The following SLC25A13 variants were observed in gnomAD, a reference collection of about 807,000 sequenced individuals.
SLC25A13 encodes solute carrier family 25 member 13, also known as electrogenic aspartate/glutamate antiporter SLC25A13, mitochondrial.
Under a neutral mutation model 85.5 loss-of-function variants are expected in SLC25A13, and 70 were observed. That is an observed-to-expected ratio of 0.82 (90% CI 0.68 to 1.00). SLC25A13 has a LOEUF of 1.00. SLC25A13 is among the 50% of genes least tolerant of loss of function. The pLI is 0.00. For synonymous variants in SLC25A13, 259 were observed against 288.7 expected, an observed-to-expected ratio of 0.90 and a Z score of 1.04; for missense variants, 765 against 819.8, an observed-to-expected ratio of 0.93 and a Z score of 0.82.
intron 15 of SLC25A13, 107 bp from the exon 16 acceptor site, chr7:96,122,104 A>C: frequency 1.4e-6 from 2 of 1,452,514 alleles, no homozygotes; most frequent in Non-Finnish European, 1.9e-6. Flanking sequence ...AATCCGATTC[A>C]ATAAAATGCC....
chr7:96,154,270 T>C (rs1793164547), intron 13 of SLC25A13, among the ~76,000 whole-genome samples: 1 of 151,334 alleles, frequency 6.6e-6, no homozygotes, highest in African/African-American at 2.4e-5. Flanking sequence ...TCCAAATACG[T>C]AGAGTCACAG....
At chr7:96,197,932 A>G (rs1795121574) in intron 5 of SLC25A13, among the ~76,000 whole-genome samples, 1 of 152,224 alleles carries the variant, frequency 6.6e-6, no homozygotes, top group Non-Finnish European at 1.5e-5. Context: ...GTCAGAGTTT[A>G]GCACAGTACA....
At chr7:96,135,858 G>GTTTTT (rs57884645) in intron 14 of SLC25A13, among the ~76,000 whole-genome samples, 1 of 132,978 alleles carries the variant, frequency 7.5e-6, no homozygotes. Flanking sequence ...TCCTGCTTTG[G>GTTTTT]TTTTTTTTTT....
chr7:96,136,763 T>C (rs187124682), intron 14 of SLC25A13, among the ~76,000 whole-genome samples: 49 of 152,244 alleles, frequency 3.2e-4, no homozygotes, highest in Admixed American at 2.8e-3. Flanking sequence ...GGCACCTCTG[T>C]GTCGGGCCGG....
At chr7:96,276,716 T>C (rs1022529057) in intron 3 of SLC25A13, among the ~76,000 whole-genome samples, 1 of 152,190 alleles carries the variant, frequency 6.6e-6, no homozygotes, top group African/African-American at 2.4e-5. Flanking sequence ...CGTGTCCTAT[T>C]TGATTCTATA....
chr7:96,277,245 G>C lies in SLC25A13; in HGVS notation c.163C>G (p.Pro55Ala). The change falls in exon 3 of 18, where the codon CCA becomes GCA. Residue 55 changes from proline (P) to alanine (A), a missense_variant. By Grantham distance (27) the Pro-to-Ala change is conservative. Coordinates refer to ENST00000265631, the MANE Select transcript of SLC25A13 (RefSeq NM_014251.3). ...CCACTTAAAAGTTCCACAGTCTTTG[G>C]ATTAGGCTGGCTTTCTCCAAAAATG... ...LNIFGESQPN[P>A]KTVELLSGVV... is the part of the protein sequence containing the mutation. 6.2e-7 allele frequency: 1 copy of C among 1,610,282 alleles called. No individual in the cohort carries two copies. The highest frequency in any genetic ancestry group is 8.5e-7 in the Non-Finnish European group (1 of 1,178,146).
intron 9 of SLC25A13, among the ~76,000 whole-genome samples, chr7:96,185,773 G>A (rs1309368216): frequency 2.6e-5 from 4 of 151,578 alleles, no homozygotes; most frequent in African/African-American, 7.3e-5. Flanking sequence ...GGTGGCAGGC[G>A]CCTGTAGTCC....
intron 3 of SLC25A13, among the ~76,000 whole-genome samples, chr7:96,265,754 A>G (rs1366754610): frequency 1.3e-5 from 2 of 152,200 alleles, no homozygotes; most frequent in Non-Finnish European, 2.9e-5. Context: ...TCAGGTTATT[A>G]TAACAAAATA....
At chr7:96,185,051 G>A (rs1412095645) in intron 9 of SLC25A13, 40 bp from the exon 10 acceptor site, 2 of 1,543,042 alleles carry the variant, frequency 1.3e-6, no homozygotes, top group South Asian at 1.2e-5. Context: ...AGGAAAACAG[G>A]TGACAGAAAA....
intron 2 of SLC25A13, among the ~76,000 whole-genome samples, chr7:96,291,462 A>C (rs1035097004): frequency 1.3e-5 from 2 of 152,158 alleles, no homozygotes; most frequent in African/African-American, 2.4e-5. Context: ...GACACAAAAA[A>C]CCCTTCCAAA....
chr7:96,229,975 A>G (rs957903336), intron 4 of SLC25A13, among the ~76,000 whole-genome samples: 73 of 152,222 alleles, frequency 4.8e-4, no homozygotes, highest in African/African-American at 1.6e-3. Context: ...CTAAATATAC[A>G]TATTTTCTGT....
At chr7:96,263,966 C>A (rs935358446) in intron 3 of SLC25A13, among the ~76,000 whole-genome samples, 1 of 152,194 alleles carries the variant, frequency 6.6e-6, no homozygotes, top group African/African-American at 2.4e-5. Context: ...CATGCTGAAA[C>A]TCACAATTCA....
At chr7:96,314,460 T>TATC (rs1800059670) in intron 1 of SLC25A13, among the ~76,000 whole-genome samples, 1 of 152,122 alleles carries the variant, frequency 6.6e-6, no homozygotes, top group Non-Finnish European at 1.5e-5. Context: ...AAAGGAATTG[T>TATC]ATCACTACAC....
rs1342285052 is a variant in SLC25A13, at chr7:96,248,754, T to C, written c.213-13837A>G. 2.0e-5 allele frequency among the ~76,000 whole-genome samples: 3 copies of C among 152,340 alleles called. No homozygotes were observed. The East Asian group carries it at 5.8e-4, about 29-fold the overall frequency. On this transcript the variant is annotated intron_variant, in intron 3 of 17. Coordinates refer to ENST00000265631, the MANE Select transcript of SLC25A13 (RefSeq NM_014251.3). ...ACTCTGTTTTGAATGAATGTTTCTA[T>C]GAGGCAAATTATAAGAAACAAATTG...
chr7:96,289,754 A>G (rs1194433509), intron 2 of SLC25A13, among the ~76,000 whole-genome samples: 1 of 152,238 alleles, frequency 6.6e-6, no homozygotes, highest in Non-Finnish European at 1.5e-5. Flanking sequence ...GAAATACGGG[A>G]CTATGTGAAA....
rs553863381 is a variant in SLC25A13 at position 96,170,089 on chromosome 7, C to T, written c.1267G>A (p.Asp423Asn). ...TCTGCTGCAAGTGGGACCGAACCAT[C>T]TTTGTGCATAAATTTATCCCTCACA... The part of the protein sequence containing the change: ...DFVRDKFMHK[D>N]GSVPLAAEIL... Residue 423 changes from aspartate (D) to asparagine (N), a missense_variant, in exon 13 of 18, where the codon GAT (aspartate) becomes AAT (asparagine). By Grantham distance (23) the Asp-to-Asn change is conservative (BLOSUM62 1). Transcript: ENST00000265631. 38 of 1,614,192 alleles carry T rather than the reference C, an allele frequency of 2.4e-5. No homozygotes were observed. The highest frequency in any genetic ancestry group is 1.1e-4 in the South Asian group (10 of 91,088).
chr7:96,152,362 G>A (rs1793085631), intron 13 of SLC25A13, among the ~76,000 whole-genome samples: 1 of 152,110 alleles, frequency 6.6e-6, no homozygotes, highest in African/African-American at 2.4e-5. Flanking sequence ...CATCCGGGAG[G>A]CAGAGCCTGA....
At chr7:96,128,147 T>C (rs185011185) in intron 15 of SLC25A13, among the ~76,000 whole-genome samples, 46 of 152,360 alleles carry the variant, frequency 3.0e-4, no homozygotes, top group African/African-American at 8.9e-4. Context: ...TATAGATTTT[T>C]TATGTTTATT....
intron 15 of SLC25A13, among the ~76,000 whole-genome samples, chr7:96,123,947 CAG>C (rs1491057949): frequency 6.6e-6 from 1 of 152,172 alleles, no homozygotes; most frequent in Admixed American, 6.5e-5. Context: ...TTCCTAAAGA[CAG>C]GGGAGCAAGA....
Sources: allele counts gnomAD v4.1 joint callset (sites outside exome capture counted in the v4.1 genomes callset), GRCh38; gene constraint gnomAD v4.1.1; transcripts MANE v1.5; gene names NCBI Gene and HGNC (gene_info 2026-07-23, HGNC 2026-07-21).